Variants in GRIP1 observed in about 807,000 individuals in gnomAD.
GRIP1 encodes the protein glutamate receptor-interacting protein 1.
GRIP1 carries 45 observed loss-of-function variants against 129.9 expected under a neutral mutation model. The ratio of observed to expected loss-of-function variants is 0.35; its 90% CI spans 0.27 to 0.44. The LOEUF (loss-of-function observed/expected upper bound fraction) is 0.44, where lower values mean the gene tolerates loss of function less well. Ranked by LOEUF, GRIP1 falls within the 20% of genes least tolerant of loss-of-function variation. The pLI is 1.00. For missense variants in GRIP1, 1,196 were observed against 1,396.8 expected, an observed-to-expected ratio of 0.86 and a Z score of 2.29; for synonymous variants, 530 against 520.8, an observed-to-expected ratio of 1.02 and a Z score of -0.24.
At chr12:66,926,912 C>T (rs972834248) in intron 1 of GRIP1, among the ~76,000 whole-genome samples, 1 of 152,190 alleles carries the variant, frequency 6.6e-6, no homozygotes, top group Non-Finnish European at 1.5e-5. Flanking sequence ...ATATGAACTA[C>T]TTAATCTAAT....
intron 1 of GRIP1, among the ~76,000 whole-genome samples, chr12:66,726,619 T>C (rs1198694563): frequency 6.6e-6 from 1 of 152,236 alleles, no homozygotes; most frequent in Non-Finnish European, 1.5e-5. Flanking sequence ...TTATAATTGA[T>C]CTGACCTCTA....
intron 1 of GRIP1, among the ~76,000 whole-genome samples, chr12:66,908,465 C>T (rs2137301114): frequency 6.6e-6 from 1 of 152,292 alleles, no homozygotes; most frequent in Non-Finnish European, 1.5e-5. Context: ...AGATCTGGCC[C>T]TTAACAGGTT....
intron 1 of GRIP1, among the ~76,000 whole-genome samples, chr12:66,945,891 G>A (rs956515055): frequency 2.6e-5 from 4 of 152,134 alleles, no homozygotes; most frequent in African/African-American, 9.7e-5. Context: ...TAGGTGCTGT[G>A]GCCTCTATTT....
intron 5 of GRIP1, among the ~76,000 whole-genome samples, chr12:66,518,994 C>G (rs1403086414): frequency 6.6e-6 from 1 of 151,662 alleles, no homozygotes; most frequent in Non-Finnish European, 1.5e-5. Context: ...TCCTGACTGT[C>G]CATCTGGGAG....
intron 7 of GRIP1, among the ~76,000 whole-genome samples, chr12:66,479,193 G>A (rs1743312330): frequency 6.6e-6 from 1 of 151,596 alleles, no homozygotes. Flanking sequence ...AGGAAGAAAA[G>A]AGAAAAGAAT....
Position 66,611,747 on chromosome 12 carries a change from C to A in GRIP1, c.56-14820G>T, listed in dbSNP as rs151257159. ...CCACATTTATCTTTTCTGCCATCAG[C>A]AAAGATAAGCTGGTTGGAAATGTGA... On this transcript the variant is annotated intron_variant, in intron 1 of 24. Coordinates refer to ENST00000359742, the MANE Select transcript of GRIP1 (RefSeq NM_001366722.1). 1.8e-3 allele frequency among the ~76,000 whole-genome samples: 279 copies of A among 152,162 alleles called. 2 individuals are homozygous for A. The highest frequency in any genetic ancestry group is 3.1e-3 in the Non-Finnish European group (208 of 67,996).
chr12:66,401,609 TACACACACAC>T lies in GRIP1; in HGVS notation c.1984+4664_1984+4673del, dbSNP rs71096099. Reference sequence around the variant, plus strand: ...AAAAAAATATGTGTGTATATATATATACACACACACACACACACACACACACACACACACA... The same window carrying T: ...AAAAAAATATGTGTGTATATATATATACACACACACACACACACACACACA... On this transcript the variant is annotated intron_variant, in intron 16 of 24. Transcript: ENST00000359742. Among the ~76,000 whole-genome samples, 96 of 110,196 alleles carry T rather than the reference TACACACACAC, an allele frequency of 8.7e-4. 2 individuals are homozygous for T. The highest frequency in any genetic ancestry group is 3.2e-3 in the African/African-American group (86 of 26,820). 72.3% of individuals were successfully genotyped at this position (110,196 alleles called of 152,430 possible). A position where few individuals can be genotyped will look rare whatever the true frequency, so the allele number is the denominator to read the frequency against.
intron 1 of GRIP1, among the ~76,000 whole-genome samples, chr12:67,017,875 A>T (rs1379300379): frequency 2.6e-5 from 4 of 152,192 alleles, no homozygotes; most frequent in Non-Finnish European, 5.9e-5. Flanking sequence ...ACCACATAGG[A>T]TCACAGAACA....
At chr12:66,587,099 A>T (rs1391129713) in intron 2 of GRIP1, among the ~76,000 whole-genome samples, 1 of 152,114 alleles carries the variant, frequency 6.6e-6, no homozygotes, top group African/African-American at 2.4e-5. Context: ...TCAGCCATTC[A>T]ATTTGGCATA....
intron 1 of GRIP1, among the ~76,000 whole-genome samples, chr12:67,048,185 A>G (rs948255953): frequency 2.0e-5 from 3 of 151,962 alleles, no homozygotes; most frequent in African/African-American, 7.2e-5. Context: ...TAACTCTTTC[A>G]TATAGATTTC....
intron 1 of GRIP1, among the ~76,000 whole-genome samples, chr12:66,877,408 A>C (rs780671357): frequency 2.0e-5 from 3 of 152,068 alleles, no homozygotes; most frequent in Non-Finnish European, 4.4e-5. Context: ...AGTGTTATTA[A>C]ATTTTTGTCA....
At chr12:66,668,781 A>AT (rs1361695808) in intron 1 of GRIP1, among the ~76,000 whole-genome samples, 1 of 151,820 alleles carries the variant, frequency 6.6e-6, no homozygotes, top group Admixed American at 6.6e-5. Flanking sequence ...AAAGAAAAAA[A>AT]AATAATAATA....
intron 7 of GRIP1, among the ~76,000 whole-genome samples, chr12:66,487,511 T>C (rs2059987891): frequency 6.6e-6 from 1 of 152,124 alleles, no homozygotes; most frequent in African/African-American, 2.4e-5. Flanking sequence ...GAGAAACTAT[T>C]ACCAGCCACT....
At chr12:66,970,003 A>G (rs1472496153) in intron 1 of GRIP1, among the ~76,000 whole-genome samples, 1 of 152,138 alleles carries the variant, frequency 6.6e-6, no homozygotes, top group Non-Finnish European at 1.5e-5. Flanking sequence ...TCCCTGTGTG[A>G]TAATTCCAAA....
intron 1 of GRIP1, among the ~76,000 whole-genome samples, chr12:66,628,271 G>A (rs1213991533): frequency 6.6e-6 from 1 of 152,124 alleles, no homozygotes. Flanking sequence ...GCTCATCACT[G>A]TGCCTGTTAG....
At chr12:66,809,039 C>T (rs2039052733), upstream of GRIP1, among the ~76,000 whole-genome samples, 1 of 152,222 alleles carries the variant, frequency 6.6e-6, no homozygotes, top group African/African-American at 2.4e-5. Context: ...AATTCGTTCA[C>T]ATGAGAAAAT....
chr12:66,814,603 A>G (rs2136962440), intron 1 of GRIP1, among the ~76,000 whole-genome samples: 1 of 152,132 alleles, frequency 6.6e-6, no homozygotes, highest in African/African-American at 2.4e-5. Context: ...AAAAAAAAAA[A>G]AAAGCAATGA....
At chr12:67,068,455 G>A (rs866702864) in intron 1 of GRIP1, among the ~76,000 whole-genome samples, 3 of 152,028 alleles carry the variant, frequency 2.0e-5, no homozygotes, top group East Asian at 2.0e-4. Flanking sequence ...GACCCTGATC[G>A]AGGGGACAAT....
chr12:66,541,202 T>C (rs1417306549), intron 3 of GRIP1, among the ~76,000 whole-genome samples: 2 of 152,166 alleles, frequency 1.3e-5, no homozygotes, highest in Admixed American at 1.3e-4. Context: ...CCCTGCCCAG[T>C]ATCCAGGACA....
Sources: allele counts gnomAD v4.1 joint callset (sites outside exome capture counted in the v4.1 genomes callset), GRCh38; gene constraint gnomAD v4.1.1; transcripts MANE v1.5; gene names NCBI Gene and HGNC (gene_info 2026-07-23, HGNC 2026-07-21).